The following KCNMA1 variants were observed in gnomAD, a reference collection of about 807,000 sequenced individuals.
KCNMA1 encodes the protein potassium calcium-activated channel subfamily M alpha 1.
KCNMA1 carries 29 observed loss-of-function variants against 140.0 expected under a neutral mutation model. The observed-to-expected ratio is 0.21, with a 90% CI of 0.15 to 0.28. The LOEUF (loss-of-function observed/expected upper bound fraction) is 0.28. Ranked by LOEUF, KCNMA1 falls within the 10% of genes least tolerant of loss-of-function variation. The probability of loss-of-function intolerance (pLI) is 1.00; values close to 1 mark genes in which losing one functional copy is unlikely to be tolerated. For missense variants in KCNMA1, 880 were observed against 1,602.2 expected (o/e 0.55, Z 7.70); for synonymous variants, 612 against 611.9 (o/e 1.00, Z 0.00).
rs766763086 is a variant in KCNMA1, at chr10:77,307,000, G to A, written c.541-55744C>T. Among the ~76,000 whole-genome samples the A allele has an allele frequency of 3.6e-4, 55 of 152,326 alleles. 2 individuals are homozygous for A. The highest frequency in any genetic ancestry group is 1.7e-3 in the South Asian group (8 of 4,822). On this transcript the variant is annotated intron_variant, in intron 2 of 27. Transcript: ENST00000286628. The stretch of plus-strand genomic sequence containing the variant: ...ACGAGGTCAAGTGACCACCTCACCA[G>A]TGCAACATAGCACACGCAGCTCAAG...
At chr10:77,314,147 T>G (rs2080114676) in intron 2 of KCNMA1, 3 of 152,198 alleles carry the variant, frequency 2.0e-5, no homozygotes, top group South Asian at 4.2e-4. Context: ...AGGCTTGTAC[T>G]TGCAGGGCAT....
chr10:77,365,690 C>A (rs1239822632), intron 2 of KCNMA1, among the ~76,000 whole-genome samples: 1 of 152,178 alleles, frequency 6.6e-6, no homozygotes, highest in Non-Finnish European at 1.5e-5. Context: ...TTTTATAGTG[C>A]CGCTTTCACC....
chr10:76,920,004 GTGTGTGTGTGTGTGTGTATA>G (rs1266050263), intron 23 of KCNMA1, among the ~76,000 whole-genome samples: 3 of 57,394 alleles, frequency 5.2e-5, no homozygotes, highest in African/African-American at 3.1e-4. Flanking sequence ...GTGTGTGTGT[GTGTGTGTGTGTGTGTGTATA>G]TATATATATA....
chr10:76,877,568 A>T (rs982458515), downstream of KCNMA1: 2 of 557,800 alleles, frequency 3.6e-6, no homozygotes, highest in Non-Finnish European at 6.2e-6. Context: ...TCCAAAATAC[A>T]TGGAAGCAAT....
intron 21 of KCNMA1, among the ~76,000 whole-genome samples, chr10:76,953,478 A>G (rs1309068261): frequency 6.6e-6 from 1 of 152,204 alleles, no homozygotes; most frequent in Non-Finnish European, 1.5e-5. Context: ...CCATGCAGCT[A>G]ATAATTGGTA....
chr10:77,471,373 C>A (rs2098146188), intron 1 of KCNMA1, among the ~76,000 whole-genome samples: 1 of 150,544 alleles, frequency 6.6e-6, no homozygotes, highest in Non-Finnish European at 1.5e-5. Context: ...ACACACACTA[C>A]TTACCACACA....
intron 9 of KCNMA1, among the ~76,000 whole-genome samples, chr10:77,105,159 C>T (rs1399478256): frequency 6.6e-6 from 1 of 152,196 alleles, no homozygotes; most frequent in Non-Finnish European, 1.5e-5. Flanking sequence ...CGCACATGTG[C>T]ACAATTACCC....
At chr10:77,352,478 A>C (rs569509326) in intron 2 of KCNMA1, among the ~76,000 whole-genome samples, 1 of 152,360 alleles carries the variant, frequency 6.6e-6, no homozygotes, top group African/African-American at 2.4e-5. Flanking sequence ...CTAACCACAC[A>C]TGGCTATTGA....
At chr10:77,541,294 G>A (rs905392457) in intron 1 of KCNMA1, among the ~76,000 whole-genome samples, 17 of 151,924 alleles carry the variant, frequency 1.1e-4, no homozygotes, top group African/African-American at 4.1e-4. Flanking sequence ...GAAACATATA[G>A]AAAAGCCTTA....
intron 5 of KCNMA1, among the ~76,000 whole-genome samples, chr10:77,133,634 A>C (rs2097911699): frequency 6.6e-6 from 1 of 152,112 alleles, no homozygotes; most frequent in African/African-American, 2.4e-5. Context: ...AAAACTTTAT[A>C]CACCTAAAAG....
At chr10:77,188,225 G>A (rs2154133628) in intron 3 of KCNMA1, among the ~76,000 whole-genome samples, 1 of 152,044 alleles carries the variant, frequency 6.6e-6, no homozygotes, top group South Asian at 2.1e-4. Flanking sequence ...TAGATTTCCA[G>A]TCTGATGAGG....
At chr10:77,486,030 A>T (rs1438390967) in intron 1 of KCNMA1, among the ~76,000 whole-genome samples, 2 of 152,138 alleles carry the variant, frequency 1.3e-5, no homozygotes, top group Non-Finnish European at 2.9e-5. Context: ...AGCCTGAGGG[A>T]GCTGGAGGCC....
intron 3 of KCNMA1, among the ~76,000 whole-genome samples, chr10:77,206,546 G>C (rs983305221): frequency 1.3e-5 from 2 of 152,010 alleles, no homozygotes; most frequent in Admixed American, 6.6e-5. Flanking sequence ...TTGCCTCTAC[G>C]TAAGTCTCCT....
intron 7 of KCNMA1, among the ~76,000 whole-genome samples, chr10:77,111,460 C>T (rs538943519): frequency 3.2e-4 from 48 of 152,310 alleles, no homozygotes; most frequent in African/African-American, 1.2e-3. Context: ...ATCTCCTCCA[C>T]ATATGTGATT....
chr10:77,008,952 T>C (rs1476448330), intron 18 of KCNMA1, among the ~76,000 whole-genome samples: 1 of 152,242 alleles, frequency 6.6e-6, no homozygotes, highest in Admixed American at 6.5e-5. Context: ...CTGACCTACA[T>C]GGGGAGGTTT....
intron 2 of KCNMA1, among the ~76,000 whole-genome samples, chr10:77,383,624 A>C (rs1023606895): frequency 6.6e-6 from 1 of 152,184 alleles, no homozygotes; most frequent in Admixed American, 6.5e-5. Context: ...AATCTATACA[A>C]AATATTATCA....
chr10:76,897,045 C>T (rs1035944158), intron 25 of KCNMA1, among the ~76,000 whole-genome samples: 5 of 149,698 alleles, frequency 3.3e-5, no homozygotes, highest in Non-Finnish European at 7.4e-5. Flanking sequence ...CACACACACA[C>T]ACAATTAGTG....
At chr10:77,138,019 T>C (rs1480989300) in intron 5 of KCNMA1, among the ~76,000 whole-genome samples, 5 of 152,160 alleles carry the variant, frequency 3.3e-5, no homozygotes, top group Non-Finnish European at 7.3e-5. Context: ...CCTGTTCTGA[T>C]AGATGCTCAA....
chr10:77,135,979 T>C (rs2098012260), intron 5 of KCNMA1, among the ~76,000 whole-genome samples: 1 of 152,128 alleles, frequency 6.6e-6, no homozygotes, highest in Admixed American at 6.5e-5. Flanking sequence ...TAAACAAAAA[T>C]AAGTAAGCAC....
Sources: allele counts gnomAD v4.1 joint callset (sites outside exome capture counted in the v4.1 genomes callset), GRCh38; gene constraint gnomAD v4.1.1; transcripts MANE v1.5; gene names NCBI Gene and HGNC (gene_info 2026-07-23, HGNC 2026-07-21).